Variants in FADS1 observed in about 807,000 individuals in gnomAD.
The protein encoded by FADS1 is fatty acid desaturase 1, also known as acyl-CoA (8-3)-desaturase.
A neutral mutation model predicts 61.6 loss-of-function variants in FADS1; 17 were observed. The ratio of observed to expected loss-of-function variants is 0.28; its 90% CI spans 0.19 to 0.41. FADS1 has a LOEUF of 0.41. Ranked by LOEUF, FADS1 falls within the 10% of genes least tolerant of loss-of-function variation. The pLI is 1.00. For missense variants in FADS1, 387 were observed against 650.9 expected, an observed-to-expected ratio of 0.59 and a Z score of 4.41; for synonymous variants, 238 against 258.7, an observed-to-expected ratio of 0.92 and a Z score of 0.77.
rs976912833 is a variant in FADS1 at position 61,801,111 on chromosome 11, A to G, written c.*1300T>C. On this transcript the variant is annotated 3_prime_UTR_variant, in exon 12 of 12. Transcript: ENST00000350997. ...TGATTTAGAAGTATGAAGTGATCAT[A>G]TTTAATCTTTCTGCTCCTGCTCAAA... 3 of 152,346 alleles carry G rather than the reference A, an allele frequency of 2.0e-5. No individual in the cohort carries two copies. The highest frequency in any genetic ancestry group is 4.4e-5 in the Non-Finnish European group (3 of 68,022). 9.4% of individuals were successfully genotyped at this position (152,346 alleles called of 1,614,324 possible).
At position 61,812,519 on chromosome 11, in the gene FADS1, C is replaced by A. The variant is rs368817472; in HGVS notation, c.636G>T (p.Thr212=). 40 of 1,613,936 alleles carry A rather than the reference C, an allele frequency of 2.5e-5. No individual in the cohort carries two copies. The highest frequency in any genetic ancestry group is 3.2e-5 in the Non-Finnish European group (38 of 1,180,036). ...CACAGAGGAGGAAGGGCAAAAAGGA[C>A]GTCCCAAAGACCCAAAGGGTGAGCC... is the stretch of plus-strand genomic sequence containing the variant. ...AAWLTLWVFG[T]SFLPFLLCAV... is the part of the protein sequence containing the mutation. Residue 212 remains threonine, a synonymous_variant, in exon 3 of 12, where the codon ACG becomes ACT. Coordinates refer to ENST00000350997, the MANE Select transcript of FADS1 (RefSeq NM_013402.7).
chr11:61,816,477 C>T lies in FADS1; in HGVS notation c.375+78G>A, dbSNP rs2066984920. On this transcript the variant is annotated intron_variant, in intron 1 of 11. Transcript: ENST00000350997. This position sits in a 1 kb window ranked among gnomAD's most constrained non-coding sequence, Gnocchi z 7.0. ...CCTCCGAATTAGTCGGTGTTTGGCT[C>T]GGAGTGCGTAACTCTGTCTCCCCTG... 5.0e-6 allele frequency: 8 copies of T among 1,601,150 alleles called. No individual in the cohort carries two copies. The highest frequency in any genetic ancestry group is 6.8e-6 in the Non-Finnish European group (8 of 1,179,148).
In FADS1 at chr11:61,803,169, C is replaced by T. The variant is rs2066869364; in HGVS notation, c.1249-58G>A. The T allele has an allele frequency of 1.9e-6, 3 of 1,543,646 alleles. No individual in the cohort carries two copies. Among genetic ancestry groups the T allele is most frequent in the Non-Finnish European group, 2.7e-6 (3 of 1,117,696 alleles). ...ATATCAGATGGAAAGGCCAGCCCAGCATTCTCCAGGTAAAGCTGGCTGAGG... is the reference window on the plus strand; with the variant it reads ...ATATCAGATGGAAAGGCCAGCCCAGTATTCTCCAGGTAAAGCTGGCTGAGG... On this transcript the variant is annotated intron_variant, in intron 9 of 11. Coordinates refer to ENST00000350997, the MANE Select transcript of FADS1 (RefSeq NM_013402.7). The surrounding 1 kb of genome is among the most constrained non-coding windows in gnomAD (Gnocchi z 4.3).
At chr11:61,810,380 T>C (rs1285952652) in intron 5 of FADS1, among the ~76,000 whole-genome samples, 2 of 152,074 alleles carry the variant, frequency 1.3e-5, no homozygotes, top group Non-Finnish European at 2.9e-5. Flanking sequence ...AAATACAAAG[T>C]GCAAGGGGAA....
At chr11:61,804,532 C>T in intron 7 of FADS1, 153 bp downstream of exon 7, 1 of 630,996 alleles carries the variant, frequency 1.6e-6, no homozygotes, top group South Asian at 2.2e-5. Flanking sequence ...ATCATTTCGT[C>T]CCACTTAGAG....
intron 1 of FADS1, chr11:61,814,525 C>G (rs970546142): frequency 6.6e-6 from 1 of 152,114 alleles, no homozygotes; most frequent in Non-Finnish European, 1.5e-5. Flanking sequence ...TGGACCTTCC[C>G]GCTGTTATAG....
chr11:61,808,724 A>G (rs2066912145), intron 5 of FADS1, among the ~76,000 whole-genome samples: 1 of 152,138 alleles, frequency 6.6e-6, no homozygotes. Flanking sequence ...TCCTCAGTTA[A>G]TGTTGCTCGA....
At position 61,816,412 on chromosome 11, in the gene FADS1, A is replaced by G; in HGVS notation, c.375+143T>C. 6.3e-7 allele frequency: 1 copy of G among 1,598,520 alleles called. No homozygotes were observed. The highest frequency in any genetic ancestry group is 1.1e-5 in the South Asian group (1 of 91,074). ...TCATCCCGCATCCGCAGGACACCCA[A>G]TCACCGGGCAACAGGTATGATCAGG... is the stretch of plus-strand genomic sequence containing the variant. On this transcript the variant is annotated intron_variant, in intron 1 of 11. Coordinates refer to ENST00000350997, the MANE Select transcript of FADS1 (RefSeq NM_013402.7). This position sits in a 1 kb window ranked among gnomAD's most constrained non-coding sequence, Gnocchi z 7.0.
chr11:61,805,100 T>C, intron 6 of FADS1: 1 of 452,102 alleles, frequency 2.2e-6, no homozygotes, highest in East Asian at 3.4e-5. Context: ...ATTTTTCTTC[T>C]CTTTTCTACA....
chr11:61,803,553 C>G lies in FADS1; in HGVS notation c.1152-94G>C. 1 of 1,380,928 alleles carries G rather than the reference C, an allele frequency of 7.2e-7. No homozygotes were observed. The highest frequency in any genetic ancestry group is 1.0e-6 in the Non-Finnish European group (1 of 967,850). 85.5% of individuals were successfully genotyped at this position (1,380,928 alleles called of 1,614,324 possible). A position where few individuals can be genotyped will look rare whatever the true frequency, so the allele number is the denominator to read the frequency against. ...AACTGCTCCAGCCTGTCTACTTTCC[C>G]AAGCCAACTCCTGAAACACCCACTG... On this transcript the variant is annotated intron_variant, in intron 8 of 11. Transcript: ENST00000350997. The surrounding 1 kb of genome is among the most constrained non-coding windows in gnomAD (Gnocchi z 4.3).
Position 61,816,093 on chromosome 11 carries a change from G to A in FADS1, c.375+462C>T, listed in dbSNP as rs2066979168. ...TCCCTCTCCGCTCCTGCTGGCGAGT[G>A]GAGACCGGCACCTAGGTCCAGACGC... On this transcript the variant is annotated intron_variant, in intron 1 of 11. Coordinates refer to ENST00000350997, the MANE Select transcript of FADS1 (RefSeq NM_013402.7). This position sits in a 1 kb window ranked among gnomAD's most constrained non-coding sequence, Gnocchi z 7.0. 1.6e-6 allele frequency: 1 copy of A among 619,790 alleles called. No individual in the cohort carries two copies. The highest frequency in any genetic ancestry group is 2.8e-6 in the Non-Finnish European group (1 of 356,838). The allele number at this position is 619,790 out of a possible 1,614,324, so 38.4% of individuals were successfully genotyped here. A position where few individuals can be genotyped will look rare whatever the true frequency, so the allele number is the denominator to read the frequency against.
At chr11:61,809,456 C>T (rs2066917474) in intron 5 of FADS1, among the ~76,000 whole-genome samples, 1 of 152,200 alleles carries the variant, frequency 6.6e-6, no homozygotes. Context: ...ATGCTCCCAC[C>T]TCAGCCTCCC....
chr11:61,816,806 GC>G lies in FADS1; in HGVS notation c.123del (p.Arg42AlafsTer2), dbSNP rs910436137. 11 of 1,497,278 alleles carry G rather than the reference GC, an allele frequency of 7.3e-6. No individual in the cohort carries two copies. The Admixed American group carries it at 2.6e-4, about 36-fold the overall frequency. The allele number at this position is 1,497,278 out of a possible 1,614,324, so 92.7% of individuals were successfully genotyped here. A position where few individuals can be genotyped will look rare whatever the true frequency, so the allele number is the denominator to read the frequency against. The stretch of plus-strand genomic sequence containing the variant: ...GCCGGGCCAGCAGGGGCTGTCAGGC[GC>G]GTGCTCGGGGTCCGCGGGCTCCAGG... Reference protein sequence around the residue: ...IHSWSPRTPSTRLTAPAGPAR... With the variant: ...IHSWSPRTPSXRLTAPAGPAR... On this transcript the variant is annotated frameshift_variant, in exon 1 of 12. Coordinates refer to ENST00000350997, the MANE Select transcript of FADS1 (RefSeq NM_013402.7). LOFTEE classifies it high-confidence loss of function. The surrounding 1 kb of genome is among the most constrained non-coding windows in gnomAD (Gnocchi z 7.0).
chr11:61,815,871 G>A lies in FADS1; in HGVS notation c.375+684C>T, dbSNP rs1043530736. Reference sequence around the variant, plus strand: ...GGCTCAGTGGCCTCCCCGGCGATTCGAGAACAGCTCTGGGGGTCCTCGCTA... The same window carrying A: ...GGCTCAGTGGCCTCCCCGGCGATTCAAGAACAGCTCTGGGGGTCCTCGCTA... On this transcript the variant is annotated intron_variant, in intron 1 of 11. Transcript: ENST00000350997. This position sits in a 1 kb window ranked among gnomAD's most constrained non-coding sequence, Gnocchi z 6.4. 5.4e-6 allele frequency: 1 copy of A among 183,806 alleles called. No homozygotes were observed. The highest frequency in any genetic ancestry group is 5.6e-5 in the Admixed American group (1 of 17,942). 11.4% of individuals were successfully genotyped at this position (183,806 alleles called of 1,614,324 possible).
intron 5 of FADS1, among the ~76,000 whole-genome samples, chr11:61,806,963 G>C (rs1470863600): frequency 6.6e-6 from 1 of 152,242 alleles, no homozygotes; most frequent in East Asian, 1.9e-4. Flanking sequence ...TCACATGAGG[G>C]ATGTGCACAG....
At chr11:61,806,481 C>T (rs2066895696) in intron 6 of FADS1, 183 bp downstream of exon 6, 1 of 608,052 alleles carries the variant, frequency 1.6e-6, no homozygotes. Flanking sequence ...ATCAGCCTAA[C>T]TTCACTTCGC....
Position 61,800,839 on chromosome 11 carries a change from G to A in FADS1, c.*1572C>T, listed in dbSNP as rs1263298845. 1 of 152,346 alleles carries A rather than the reference G, an allele frequency of 6.6e-6. No homozygotes were observed. Among genetic ancestry groups the A allele is most frequent in the African/African-American group, 2.4e-5 (1 of 41,434 alleles). 9.4% of individuals were successfully genotyped at this position (152,346 alleles called of 1,614,324 possible). ...TGTGAGGGCTGATGATAAGCCCTAG[G>A]AGGCTCCTGAGTCATATTCCTATGT... On this transcript the variant is annotated 3_prime_UTR_variant, in exon 12 of 12. Coordinates refer to ENST00000350997, the MANE Select transcript of FADS1 (RefSeq NM_013402.7).
rs1306231385 is a variant in FADS1, at chr11:61,801,064, G to A, written c.*1347C>T. ...AGCAATAGAAATCACAAACTGTTCTGTGGTTTTAATCTTCCTATTTCTGAT... is the reference window on the plus strand; with the variant it reads ...AGCAATAGAAATCACAAACTGTTCTATGGTTTTAATCTTCCTATTTCTGAT... On this transcript the variant is annotated 3_prime_UTR_variant, in exon 12 of 12. Transcript: ENST00000350997. 1 of 152,342 alleles carries A rather than the reference G, an allele frequency of 6.6e-6. No individual in the cohort carries two copies. 9.4% of individuals were successfully genotyped at this position (152,342 alleles called of 1,614,324 possible). A position where few individuals can be genotyped will look rare whatever the true frequency, so the allele number is the denominator to read the frequency against.
At chr11:61,808,458 T>C (rs2066910335) in intron 5 of FADS1, among the ~76,000 whole-genome samples, 1 of 152,196 alleles carries the variant, frequency 6.6e-6, no homozygotes, top group East Asian at 1.9e-4. Flanking sequence ...TCCATCCCTC[T>C]GGGGATGTTG....
Sources: gnomAD v4.1 joint callset for allele counts (sites outside exome capture counted in the v4.1 genomes callset) on GRCh38, gnomAD v4.1.1 for gene constraint, Gnocchi (gnomAD v3.1) non-coding constraint, MANE v1.5 for transcripts, NCBI Gene and HGNC (gene_info 2026-07-23, HGNC 2026-07-21) for gene names.